The following TUSC3 variants were observed in gnomAD, a reference collection of about 807,000 sequenced individuals.
The protein encoded by TUSC3 is tumor suppressor candidate 3.
Under a neutral mutation model 44.8 loss-of-function variants are expected in TUSC3, and 45 were observed. The observed-to-expected ratio is 1.00, with a 90% CI of 0.79 to 1.29. The LOEUF (loss-of-function observed/expected upper bound fraction) is 1.29. TUSC3 is among the 50% of genes most tolerant of loss of function. The pLI, the probability that TUSC3 is intolerant of heterozygous loss-of-function variation, is 0.00. For missense variants in TUSC3, 519 were observed against 437.9 expected (o/e 1.19, Z -1.65); for synonymous variants, 212 against 152.9 (o/e 1.39, Z -2.85).
At position 15,694,435 on chromosome 8, in the gene TUSC3, C is replaced by CAA. The variant is rs146718595; in HGVS notation, c.798+20623_798+20624dup. On this transcript the variant is annotated intron_variant, in intron 6 of 10. Transcript: ENST00000503731. ...TGAGCAACAAGACGGAAACTCCATCCAAAAAAAAAAAAAAAAAAAAAAAAA... is the reference window on the plus strand; with the variant it reads ...TGAGCAACAAGACGGAAACTCCATCCAAAAAAAAAAAAAAAAAAAAAAAAAAA... Among the ~76,000 whole-genome samples, 727 of 83,162 alleles carry CAA rather than the reference C, an allele frequency of 8.7e-3. 12 individuals carry two copies. The highest frequency in any genetic ancestry group is 0.031 in the African/African-American group (557 of 18,188). 54.6% of individuals were successfully genotyped at this position (83,162 alleles called of 152,430 possible). A position where few individuals can be genotyped will look rare whatever the true frequency, so the allele number is the denominator to read the frequency against.
intron 1 of TUSC3, among the ~76,000 whole-genome samples, chr8:15,573,230 A>ATATATATATATATAT (rs1491232177): frequency 5.8e-4 from 62 of 106,032 alleles, no homozygotes; most frequent in African/African-American, 2.0e-3. Context: ...ATATATATAT[A>ATATATATATATATAT]AAAGTTTTTT....
chr8:15,683,109 G>C (rs1304234004), intron 6 of TUSC3, among the ~76,000 whole-genome samples: 1 of 152,114 alleles, frequency 6.6e-6, no homozygotes, highest in Non-Finnish European at 1.5e-5. Context: ...CCTTGGAAAG[G>C]CTGATGACTA....
the TUSC3 span, among the ~76,000 whole-genome samples, chr8:15,846,890 ACAC>A: frequency 3.1e-4 from 45 of 143,822 alleles, no homozygotes; most frequent in African/African-American, 1.2e-3. Flanking sequence ...AAAAAAAAAA[ACAC>A]ACACACAATT....
chr8:15,486,138 C>T (rs1800729760), intron 2 of TUSC3, among the ~76,000 whole-genome samples: 1 of 152,082 alleles, frequency 6.6e-6, no homozygotes, highest in South Asian at 2.1e-4. Context: ...GCACAGTGAC[C>T]AATTAGCTAC....
chr8:15,629,239 T>C (rs1228191606), intron 2 of TUSC3, among the ~76,000 whole-genome samples: 2 of 151,750 alleles, frequency 1.3e-5, no homozygotes, highest in African/African-American at 4.8e-5. Context: ...TGCCTTGGAG[T>C]TTGTAGATGA....
rs190979270 is a variant in TUSC3 at position 15,636,397 on chromosome 8, A to G, written c.308+13148A>G. ...CAGGGTCAGCTGCACTCTTAAATAT[A>G]CCATTTCCACAAGGAAAGCCTGGTG... On this transcript the variant is annotated intron_variant, in intron 2 of 10. Coordinates refer to ENST00000503731, the MANE Select transcript of TUSC3 (RefSeq NM_006765.4). Among the ~76,000 whole-genome samples the G allele has an allele frequency of 4.6e-5, 7 of 152,218 alleles. No individual in the cohort carries two copies. In the East Asian group the frequency reaches 1.2e-3, roughly 25 times the overall value.
intron 1 of TUSC3, among the ~76,000 whole-genome samples, chr8:15,614,246 G>T (rs962050802): frequency 3.3e-5 from 5 of 151,298 alleles, no homozygotes; most frequent in African/African-American, 1.2e-4. Context: ...AGGCTGAGAT[G>T]GGGGTCTTTA....
chr8:15,727,199 G>C (rs17612457), intron 6 of TUSC3, among the ~76,000 whole-genome samples: 2,576 of 152,148 alleles, frequency 0.017, 142 homozygotes, highest in East Asian at 0.15. Flanking sequence ...GCAGACCTAA[G>C]GTTAATTTTA....
the TUSC3 span, among the ~76,000 whole-genome samples, chr8:15,840,121 G>C: frequency 6.6e-6 from 1 of 152,002 alleles, no homozygotes; most frequent in Non-Finnish European, 1.5e-5. Flanking sequence ...GCAAACTATC[G>C]CAAGACCAAA....
chr8:15,811,429 G>T, the TUSC3 span, among the ~76,000 whole-genome samples: 1 of 152,254 alleles, frequency 6.6e-6, no homozygotes, highest in East Asian at 1.9e-4. Context: ...AGATGTTTAG[G>T]GGTCAAGCCC....
At chr8:15,425,384 A>C (rs1432647953) in intron 1 of TUSC3, among the ~76,000 whole-genome samples, 1 of 152,230 alleles carries the variant, frequency 6.6e-6, no homozygotes. Flanking sequence ...GATATGCAAC[A>C]AAGTGACATT....
chr8:15,660,432 T>C (rs990465969), intron 4 of TUSC3, among the ~76,000 whole-genome samples: 2 of 152,056 alleles, frequency 1.3e-5, no homozygotes, highest in Non-Finnish European at 2.9e-5. Flanking sequence ...CAATTTATTA[T>C]GGAAGGAAAT....
intron 2 of TUSC3, among the ~76,000 whole-genome samples, chr8:15,484,140 C>A (rs537756625): frequency 1.3e-5 from 2 of 152,036 alleles, no homozygotes; most frequent in African/African-American, 4.8e-5. Context: ...TTTCTAAATC[C>A]TTCTCATGAT....
chr8:15,510,559 C>G (rs1801118790), intron 2 of TUSC3, among the ~76,000 whole-genome samples: 1 of 152,080 alleles, frequency 6.6e-6, no homozygotes, highest in Non-Finnish European at 1.5e-5. Flanking sequence ...AACCCCAACA[C>G]TATATATATT....
chr8:15,614,052 A>G (rs1273021020), intron 1 of TUSC3, among the ~76,000 whole-genome samples: 3 of 148,498 alleles, frequency 2.0e-5, no homozygotes, highest in Admixed American at 2.0e-4. Context: ...TGAGTTAAGA[A>G]CTCCATGAAG....
intron 6 of TUSC3, among the ~76,000 whole-genome samples, chr8:15,709,863 A>G (rs1395668285): frequency 6.6e-6 from 1 of 151,858 alleles, no homozygotes; most frequent in African/African-American, 2.4e-5. Flanking sequence ...GCTCACCTAC[A>G]TCTTTTCCTT....
At chr8:15,528,786 C>T (rs181421192) in intron 2 of TUSC3, among the ~76,000 whole-genome samples, 1 of 152,266 alleles carries the variant, frequency 6.6e-6, no homozygotes, top group Admixed American at 6.5e-5. Context: ...GTCCATATCC[C>T]TACCTTCCCT....
the TUSC3 span, among the ~76,000 whole-genome samples, chr8:15,831,844 A>G: frequency 6.6e-6 from 1 of 152,298 alleles, no homozygotes; most frequent in Non-Finnish European, 1.5e-5. Context: ...AGATGGAGAG[A>G]GTGTGAGCAA....
chr8:15,467,225 G>A (rs1281027612), intron 1 of TUSC3, among the ~76,000 whole-genome samples: 1 of 141,044 alleles, frequency 7.1e-6, no homozygotes, highest in Non-Finnish European at 1.6e-5. Context: ...ATTCTACTTG[G>A]GGTTCATTAT....
Sources: allele counts gnomAD v4.1 joint callset (sites outside exome capture counted in the v4.1 genomes callset), GRCh38; gene constraint gnomAD v4.1.1; transcripts MANE v1.5; gene names NCBI Gene and HGNC (gene_info 2026-07-23, HGNC 2026-07-21).